DNAH10: variants seen among roughly 807,000 people sequenced by gnomAD.
DNAH10 encodes axonemal beta dynein heavy chain 10.
In DNAH10, 348 loss-of-function variants were observed where a neutral mutation model predicts 506.6. The observed-to-expected ratio is 0.69, with a 90% confidence interval of 0.63 to 0.75. The LOEUF (loss-of-function observed/expected upper bound fraction) is 0.75, where lower values mean the gene tolerates loss of function less well. Among genes scored for constraint, DNAH10 ranks in the 30% least tolerant of loss-of-function variants. DNAH10 has a pLI of 0.00. For synonymous variants in DNAH10, 2,059 were observed against 2,198.6 expected (o/e 0.94, Z 1.78); for missense variants, 5,179 against 5,787.1 (o/e 0.89, Z 3.41).
intron 45 of DNAH10, among the ~76,000 whole-genome samples, chr12:123,872,125 T>G (rs899748243): frequency 2.6e-5 from 4 of 152,156 alleles, no homozygotes; most frequent in Non-Finnish European, 5.9e-5. Context: ...GGAGGCTGGC[T>G]GTCACATTAT....
Position 123,762,457 on chromosome 12 carries a change from T to C in DNAH10, c.121T>C (p.Leu41=). The change falls in exon 1 of 79, where the codon TTG becomes CTG. Residue 41 remains leucine (L), a synonymous_variant. Coordinates refer to ENST00000673944, the MANE Select transcript of DNAH10 (RefSeq NM_001372106.1). This position sits in a 1 kb window ranked among gnomAD's most constrained non-coding sequence, Gnocchi z 5.0. ...RDDGQGEDLI[L]HFLNQASEEE... ...CGACGGCCAGGGCGAGGACCTCATC[T>C]TGCACTTCCTCAACCAGGCGAGCGA... The C allele has an allele frequency of 3.3e-6, 5 of 1,492,664 alleles. No homozygotes were observed. The highest frequency in any genetic ancestry group is 4.5e-6 in the Non-Finnish European group (5 of 1,117,358). 92.5% of individuals were successfully genotyped at this position (1,492,664 alleles called of 1,614,324 possible).
chr12:123,838,372 G>A (rs1306051710), intron 28 of DNAH10, 84 bp from the exon 29 acceptor site: 1 of 1,256,628 alleles, frequency 8.0e-7, no homozygotes, highest in Non-Finnish European at 1.1e-6. Flanking sequence ...CTGGGCTCTG[G>A]TGAGTGCCTG....
intron 29 of DNAH10, 123 bp downstream of exon 29, chr12:123,838,812 G>GT: frequency 1.1e-6 from 1 of 899,962 alleles, no homozygotes; most frequent in African/African-American, 1.7e-5. Context: ...GCTGGAGTTG[G>GT]TTTTTTGGTT....
At chr12:123,808,767 C>G (rs999905117) in intron 18 of DNAH10, 30 bp from the exon 19 acceptor site, 7 of 1,612,132 alleles carry the variant, frequency 4.3e-6, no homozygotes, top group Non-Finnish European at 5.9e-6. Context: ...GTGAGATACA[C>G]TCTGAGTCTT....
intron 10 of DNAH10, among the ~76,000 whole-genome samples, chr12:123,789,316 G>A (rs540605736): frequency 7.9e-5 from 12 of 152,112 alleles, no homozygotes; most frequent in Admixed American, 3.9e-4. Flanking sequence ...GTATTTCATT[G>A]TTACCAGAAC....
At chr12:123,901,295 G>A (rs575540712) in intron 56 of DNAH10, among the ~76,000 whole-genome samples, 4 of 151,872 alleles carry the variant, frequency 2.6e-5, no homozygotes, top group Non-Finnish European at 4.4e-5. Context: ...CCACCCCCGC[G>A]CCTCAGCACG....
At chr12:123,930,692 C>A in intron 73 of DNAH10, 119 bp downstream of exon 73, 1 of 1,122,242 alleles carries the variant, frequency 8.9e-7, no homozygotes, top group Non-Finnish European at 1.2e-6. Flanking sequence ...GTCTGTTAAG[C>A]CTGTTAGGTG....
intron 15 of DNAH10, 142 bp from the exon 16 acceptor site, chr12:123,801,139 T>G: frequency 1.3e-6 from 1 of 797,878 alleles, no homozygotes; most frequent in Non-Finnish European, 1.9e-6. Context: ...ATGAGAAGAG[T>G]GATGTTTTAA....
At chr12:123,764,800 G>T (rs2135943976) in intron 1 of DNAH10, among the ~76,000 whole-genome samples, 1 of 152,202 alleles carries the variant, frequency 6.6e-6, no homozygotes, top group African/African-American at 2.4e-5. Context: ...ACCTCATGGT[G>T]AAAAGCTGAT....
At position 123,926,364 on chromosome 12, in the gene DNAH10, T is replaced by A; in HGVS notation, c.11922-273T>A. On this transcript the variant is annotated intron_variant, in intron 68 of 78. Coordinates refer to ENST00000673944, the MANE Select transcript of DNAH10 (RefSeq NM_001372106.1). The surrounding 1 kb of genome is among the most constrained non-coding windows in gnomAD (Gnocchi z 4.1). Reference sequence around the variant, plus strand: ...GTTTTGTGCCATGGGCAGGCCCACCTAGAGGGCAAGCTGAGGTGCCCAGCT... The same window carrying A: ...GTTTTGTGCCATGGGCAGGCCCACCAAGAGGGCAAGCTGAGGTGCCCAGCT... 1 of 410,808 alleles carries A rather than the reference T, an allele frequency of 2.4e-6. No individual in the cohort carries two copies. Among genetic ancestry groups the A allele is most frequent in the Non-Finnish European group, 4.2e-6 (1 of 235,942 alleles). 25.4% of individuals were successfully genotyped at this position (410,808 alleles called of 1,614,324 possible). A position where few individuals can be genotyped will look rare whatever the true frequency, so the allele number is the denominator to read the frequency against.
chr12:123,905,403 G>T (rs1156237102), intron 57 of DNAH10, among the ~76,000 whole-genome samples: 2 of 152,186 alleles, frequency 1.3e-5, no homozygotes, highest in Admixed American at 6.5e-5. Context: ...GGAATTGCTG[G>T]GTCCCAGGGT....
chr12:123,891,580 C>T (rs140264877), intron 52 of DNAH10, among the ~76,000 whole-genome samples: 115 of 152,008 alleles, frequency 7.6e-4, no homozygotes, highest in South Asian at 2.9e-3. Flanking sequence ...AGGCGGAGCA[C>T]GGGGAGCGAG....
At chr12:123,880,210 G>A (rs1566037856) in intron 50 of DNAH10, among the ~76,000 whole-genome samples, 1 of 152,170 alleles carries the variant, frequency 6.6e-6, no homozygotes, top group Non-Finnish European at 1.5e-5. Flanking sequence ...ATTAGTCCTG[G>A]AGACCCAAGC....
chr12:123,931,802 C>A lies in DNAH10; in HGVS notation c.13083C>A (p.Asn4361Lys). The A allele has an allele frequency of 6.2e-7, 1 of 1,614,082 alleles. No individual in the cohort carries two copies. Among genetic ancestry groups the A allele is most frequent in the Non-Finnish European group, 8.5e-7 (1 of 1,179,912 alleles). Residue 4361 changes from asparagine (N) to lysine (K), a missense_variant, in exon 75 of 79, where the codon AAC becomes AAA. By Grantham distance (94) the Asn-to-Lys change is moderately conservative. Transcript: ENST00000673944. ...VVLLQELERF[N>K]KLVVRMTKSL... ...TCCTGCAGGAACTGGAACGCTTCAA[C>A]AAGCTTGTGGTCCGGATGACGAAGT...
At chr12:123,847,495 T>C (rs1951008652) in intron 32 of DNAH10, among the ~76,000 whole-genome samples, 1 of 152,116 alleles carries the variant, frequency 6.6e-6, no homozygotes, top group Admixed American at 6.6e-5. Context: ...GAGCCAATAG[T>C]GTAGACTCGT....
Position 123,785,792 on chromosome 12 carries a change from C to T in DNAH10, c.1277C>T (p.Pro426Leu), listed in dbSNP as rs775097365. Residue 426 changes from proline to leucine, a missense_variant, in exon 9 of 79, where the codon CCC becomes CTC. Transcript: ENST00000673944. This position sits in a 1 kb window ranked among gnomAD's most constrained non-coding sequence, Gnocchi z 4.1. ...SGFHVVLDTI[P>L]AMMSALRMVW... ...TTCCACGTGGTCCTGGACACCATCC[C>T]CGCCATGATGAGTGCCCTGCGGATG... 6.8e-6 allele frequency: 11 copies of T among 1,614,136 alleles called. No homozygotes were observed. The highest frequency in any genetic ancestry group is 9.3e-6 in the Non-Finnish European group (11 of 1,179,992).
chr12:123,917,853 C>T lies in DNAH10; in HGVS notation c.11232+40C>T. ...GGAAGAGGCCGTGAGTCAGGCGGGG[C>T]CTGCATGCGCCGTTGGAGCGTCCAT... On this transcript the variant is annotated intron_variant, in intron 64 of 78. Coordinates refer to ENST00000673944, the MANE Select transcript of DNAH10 (RefSeq NM_001372106.1). This position sits in a 1 kb window ranked among gnomAD's most constrained non-coding sequence, Gnocchi z 5.6. The T allele has an allele frequency of 1.3e-6, 2 of 1,540,394 alleles. No homozygotes were observed. Among genetic ancestry groups the T allele is most frequent in the Non-Finnish European group, 1.8e-6 (2 of 1,137,666 alleles).
intron 18 of DNAH10, among the ~76,000 whole-genome samples, chr12:123,805,487 C>G (rs1958632502): frequency 6.6e-6 from 1 of 152,222 alleles, no homozygotes; most frequent in Non-Finnish European, 1.5e-5. Flanking sequence ...GACTCTGTCC[C>G]TTCCCTCCTG....
rs1201903385 is a variant in DNAH10 at position 123,910,249 on chromosome 12, G to C, written c.9998-287G>C. On this transcript the variant is annotated intron_variant, in intron 58 of 78. Transcript: ENST00000673944. Reference sequence around the variant, plus strand: ...GACCTGTAGTGGCCTGTGAATTCCAGTTAGCCACCTGGGTGCCCAGTTGGG... The same window carrying C: ...GACCTGTAGTGGCCTGTGAATTCCACTTAGCCACCTGGGTGCCCAGTTGGG... Among the ~76,000 whole-genome samples, 10 of 152,330 alleles carry C rather than the reference G, an allele frequency of 6.6e-5. No individual in the cohort carries two copies. In the South Asian group the frequency reaches 2.1e-3, roughly 32 times the overall value.
Sources: gnomAD v4.1 joint callset for allele counts (sites outside exome capture counted in the v4.1 genomes callset) on GRCh38, gnomAD v4.1.1 for gene constraint, Gnocchi (gnomAD v3.1) non-coding constraint, MANE v1.5 for transcripts, NCBI Gene and HGNC (gene_info 2026-07-23, HGNC 2026-07-21) for gene names.